The following GRHL1 variants were observed in gnomAD, a reference collection of about 807,000 sequenced individuals.
GRHL1 encodes grainyhead like transcription factor 1.
GRHL1 carries 38 observed loss-of-function variants against 75.7 expected under a neutral mutation model. That is an observed-to-expected ratio of 0.50 (90% CI 0.39 to 0.66). The LOEUF is 0.66. Among genes scored for constraint, GRHL1 ranks in the 30% least tolerant of loss-of-function variants. The probability of loss-of-function intolerance (pLI) is 0.00; values close to 1 mark genes in which losing one functional copy is unlikely to be tolerated. For synonymous variants in GRHL1, 266 were observed against 279.4 expected, an observed-to-expected ratio of 0.95 and a Z score of 0.48; for missense variants, 589 against 767.5, an observed-to-expected ratio of 0.77 and a Z score of 2.75.
Position 9,963,937 on chromosome 2 carries a change from A to T in GRHL1, c.798A>T (p.Pro266=). 1 of 1,613,824 alleles carries T rather than the reference A, an allele frequency of 6.2e-7. No individual in the cohort carries two copies. Among genetic ancestry groups the T allele is most frequent in the South Asian group, 1.1e-5 (1 of 91,082 alleles). The change falls in exon 6 of 16, where the codon CCA becomes CCT. Residue 266 remains proline, a synonymous_variant. Coordinates refer to ENST00000324907, the MANE Select transcript of GRHL1 (RefSeq NM_198182.3). ...LEASKSLRQK[P]GDSTMTYLNK... Reference sequence around the variant, plus strand: ...CTTCAAAATCACTTCGACAGAAGCCAGGAGACAGTACCATGACGTACCTGA... The same window carrying T: ...CTTCAAAATCACTTCGACAGAAGCCTGGAGACAGTACCATGACGTACCTGA...
At position 9,951,928 on chromosome 2, in the gene GRHL1, GC is replaced by G. The variant is rs1666796003; in HGVS notation, c.20+76del. 1 of 1,012,988 alleles carries G rather than the reference GC, an allele frequency of 9.9e-7. No homozygotes were observed. Among genetic ancestry groups the G allele is most frequent in the African/African-American group, 1.7e-5 (1 of 57,608 alleles). 62.7% of individuals were successfully genotyped at this position (1,012,988 alleles called of 1,614,324 possible). On this transcript the variant is annotated intron_variant, in intron 1 of 15. Coordinates refer to ENST00000324907, the MANE Select transcript of GRHL1 (RefSeq NM_198182.3). The surrounding 1 kb of genome is among the most constrained non-coding windows in gnomAD (Gnocchi z 4.2). ...GCCGCACCTGCAGCGAGCGAGCCGG[GC>G]GCAGACCCGAGGCCGCGCGGGCGGG...
chr2:9,976,577 C>T (rs1667956201), intron 8 of GRHL1, among the ~76,000 whole-genome samples: 1 of 152,054 alleles, frequency 6.6e-6, no homozygotes, highest in South Asian at 2.1e-4. Flanking sequence ...GTTTTCAAGT[C>T]AGTGATGAGA....
intron 12 of GRHL1, 97 bp downstream of exon 12, chr2:9,993,341 C>T (rs1668724936): frequency 1.0e-6 from 1 of 996,520 alleles, no homozygotes; most frequent in African/African-American, 1.6e-5. Context: ...TCATTTTTCC[C>T]TGAGCCATCA....
chr2:9,953,066 G>A, intron 1 of GRHL1: 1 of 456,732 alleles, frequency 2.2e-6, no homozygotes, highest in Non-Finnish European at 4.4e-6. Context: ...AACTGGTTTT[G>A]TGTTTATTTC....
chr2:9,995,824 T>G, intron 12 of GRHL1, 55 bp from the exon 13 acceptor site: 1 of 977,484 alleles, frequency 1.0e-6, no homozygotes, highest in South Asian at 1.3e-5. Flanking sequence ...AACACCTTAA[T>G]GTTGATGCAG....
At chr2:9,986,844 C>G (rs1209828095) in intron 9 of GRHL1, among the ~76,000 whole-genome samples, 2 of 152,222 alleles carry the variant, frequency 1.3e-5, no homozygotes, top group African/African-American at 2.4e-5. Flanking sequence ...GTAGTTGGGA[C>G]TACAGGCACA....
chr2:9,988,669 C>T (rs962500835), intron 9 of GRHL1, among the ~76,000 whole-genome samples: 2 of 152,140 alleles, frequency 1.3e-5, no homozygotes, highest in Non-Finnish European at 2.9e-5. Flanking sequence ...ATTCCCATGC[C>T]ATGGCCTGGG....
intron 8 of GRHL1, among the ~76,000 whole-genome samples, chr2:9,971,752 A>G (rs572035346): frequency 6.6e-6 from 1 of 152,362 alleles, no homozygotes; most frequent in South Asian, 2.1e-4. Flanking sequence ...AATAACAAGA[A>G]AACTTCCTTG....
chr2:9,993,479 A>G (rs933131482), intron 12 of GRHL1, among the ~76,000 whole-genome samples: 1 of 152,222 alleles, frequency 6.6e-6, no homozygotes, highest in Admixed American at 6.5e-5. Flanking sequence ...AGCACCAATA[A>G]TGTCCTTTAT....
At chr2:9,964,527 A>G (rs1667406912) in intron 7 of GRHL1, 181 bp downstream of exon 7, 3 of 546,798 alleles carry the variant, frequency 5.5e-6, no homozygotes, top group Non-Finnish European at 9.7e-6. Flanking sequence ...CATTGCTCCC[A>G]TGCAGTAATG....
At chr2:9,962,376 T>C (rs1473201557) in intron 4 of GRHL1, 79 bp from the exon 5 acceptor site, 8 of 809,166 alleles carry the variant, frequency 9.9e-6, no homozygotes, top group Non-Finnish European at 1.8e-5. Flanking sequence ...CCACATACTT[T>C]TATGCGGTAC....
intron 2 of GRHL1, among the ~76,000 whole-genome samples, chr2:9,956,559 T>C (rs904957809): frequency 6.6e-6 from 1 of 151,986 alleles, no homozygotes; most frequent in African/African-American, 2.4e-5. Flanking sequence ...TTTCCTAGTA[T>C]GAGGCCATGC....
At chr2:9,966,740 C>G (rs1425247644) in intron 8 of GRHL1, among the ~76,000 whole-genome samples, 1 of 151,948 alleles carries the variant, frequency 6.6e-6, no homozygotes, top group African/African-American at 2.4e-5. Flanking sequence ...GCTTTTCTTT[C>G]TTATCGTTGT....
chr2:9,981,303 G>A (rs1394834400), intron 8 of GRHL1, among the ~76,000 whole-genome samples: 9 of 152,224 alleles, frequency 5.9e-5, no homozygotes, highest in Admixed American at 3.9e-4. Context: ...TTCCACAGGC[G>A]AGTGACACAT....
chr2:9,952,190 G>T (rs563374747), intron 1 of GRHL1, among the ~76,000 whole-genome samples: 1 of 151,966 alleles, frequency 6.6e-6, no homozygotes, highest in African/African-American at 2.4e-5. Flanking sequence ...GCGCGAGGTC[G>T]GGGCGCAGCC....
chr2:9,972,678 G>T (rs1667778132), intron 8 of GRHL1, among the ~76,000 whole-genome samples: 1 of 152,202 alleles, frequency 6.6e-6, no homozygotes, highest in Non-Finnish European at 1.5e-5. Context: ...TCCGTGCCTG[G>T]TGAGGATGGA....
rs1387115682 is a variant in GRHL1, at chr2:9,968,814, C to T, written c.1110+3433C>T. Among the ~76,000 whole-genome samples, 2 of 152,196 alleles carry T rather than the reference C, an allele frequency of 1.3e-5. No individual in the cohort carries two copies. Among genetic ancestry groups the T allele is most frequent in the Non-Finnish European group, 2.9e-5 (2 of 68,034 alleles). ...CAGGAATTCAGAACTGAGCCCAGCA[C>T]ATATCCGAGAGCCTGCTGTGGACAA... On this transcript the variant is annotated intron_variant, in intron 8 of 15. Coordinates refer to ENST00000324907, the MANE Select transcript of GRHL1 (RefSeq NM_198182.3). This position sits in a 1 kb window ranked among gnomAD's most constrained non-coding sequence, Gnocchi z 4.7.
chr2:9,964,268 A>G lies in GRHL1; in HGVS notation c.937A>G (p.Ser313Gly), dbSNP rs1450961228. 7 of 1,612,374 alleles carry G rather than the reference A, an allele frequency of 4.3e-6. No homozygotes were observed. Among genetic ancestry groups the G allele is most frequent in the Non-Finnish European group, 5.9e-6 (7 of 1,178,670 alleles). Residue 313 changes from serine to glycine, a missense_variant, in exon 7 of 16, where the codon AGC (serine) becomes GGC (glycine). Ser to Gly is a moderately conservative substitution (Grantham distance 56). Coordinates refer to ENST00000324907, the MANE Select transcript of GRHL1 (RefSeq NM_198182.3). ...VIMVVFAEDK[S>G]REDQLRHWKY... ...CATGGTGGTTTTTGCTGAAGACAAAAGCAGAGAAGATCAGTTAAGGCATTG... is the reference window on the plus strand; with the variant it reads ...CATGGTGGTTTTTGCTGAAGACAAAGGCAGAGAAGATCAGTTAAGGCATTG...
intron 8 of GRHL1, among the ~76,000 whole-genome samples, chr2:9,977,063 C>G (rs762347497): frequency 3.3e-5 from 5 of 152,106 alleles, no homozygotes; most frequent in Non-Finnish European, 7.4e-5. Flanking sequence ...TGATTTGTAG[C>G]CATTTTATTG....
Sources: allele counts gnomAD v4.1 joint callset (sites outside exome capture counted in the v4.1 genomes callset), GRCh38; gene constraint gnomAD v4.1.1; non-coding constraint Gnocchi (gnomAD v3.1); transcripts MANE v1.5; gene names NCBI Gene and HGNC (gene_info 2026-07-23, HGNC 2026-07-21).